The following MXD3 variants were observed in gnomAD, a reference collection of about 807,000 sequenced individuals.
MXD3 encodes the protein Max-associated protein 3.
MXD3 carries 20 observed loss-of-function variants against 27.5 expected under a neutral mutation model. The ratio of observed to expected loss-of-function variants is 0.73; its 90% confidence interval spans 0.51 to 1.06. The LOEUF (loss-of-function observed/expected upper bound fraction) is 1.06. Ranked by LOEUF, MXD3 falls within the 50% of genes least tolerant of loss-of-function variation. The pLI is 0.00. For missense variants in MXD3, 298 were observed against 291.3 expected (o/e 1.02, Z -0.17); for synonymous variants, 150 against 130.7 (o/e 1.15, Z -1.01).
At chr5:177,311,994 T>C (rs1761051294), upstream of MXD3, 1 of 1,287,036 alleles carries the variant, frequency 7.8e-7, no homozygotes, top group Non-Finnish European at 9.9e-7. Context: ...TCCGCCCCTC[T>C]GGAACCCGCC....
downstream of MXD3, chr5:177,307,019 G>A (rs1760896151): frequency 7.0e-6 from 10 of 1,436,840 alleles, no homozygotes; most frequent in South Asian, 3.1e-5. Context: ...GACCTCAGGC[G>A]AGTCACGTCA....
downstream of MXD3, chr5:177,306,389 C>G: frequency 6.2e-7 from 1 of 1,613,550 alleles, no homozygotes. Context: ...TTTCAGGCAT[C>G]TTCTAAAGGC....
intron 4 of MXD3, among the ~76,000 whole-genome samples, chr5:177,309,716 C>G (rs1044464498): frequency 6.6e-6 from 1 of 152,252 alleles, no homozygotes; most frequent in African/African-American, 2.4e-5. Context: ...CTGAATCTGC[C>G]GCCCATCAGC....
In MXD3 at chr5:177,311,493, G is replaced by T. The variant is rs539149466; in HGVS notation, c.71-9C>A. On this transcript the variant is annotated splice_polypyrimidine_tract_variant and intron_variant, in intron 1 of 5. Coordinates refer to ENST00000439742, the MANE Select transcript of MXD3 (RefSeq NM_031300.4). ...ATAACCATGCTCGGCCTCTGCCAGA[G>T]AGAGTCCCCGCCCGCGTCAGGCTGG... The T allele has an allele frequency of 1.3e-4, 181 of 1,429,980 alleles. 1 individual carries two copies. The South Asian group carries it at 2.2e-3, about 18-fold the overall frequency. 88.6% of individuals were successfully genotyped at this position (1,429,980 alleles called of 1,614,324 possible).
chr5:177,305,848 G>A (rs567954213), downstream of MXD3: 173 of 1,598,404 alleles, frequency 1.1e-4, 1 homozygote, highest in South Asian at 1.7e-3. Context: ...ACTGTTCCAC[G>A]ATTGTGGTTG....
downstream of MXD3, chr5:177,305,795 G>C (rs1263722509): frequency 6.4e-6 from 8 of 1,241,076 alleles, no homozygotes; most frequent in African/African-American, 7.4e-5. Context: ...CTCATGAAAA[G>C]TGACAGGGAG....
In MXD3 at chr5:177,311,826, T is replaced by C. The variant is rs200003012; in HGVS notation, c.5A>G (p.Glu2Gly). 6.2e-7 allele frequency: 1 copy of C among 1,611,726 alleles called. No individual in the cohort carries two copies. The highest frequency in any genetic ancestry group is 2.2e-5 in the East Asian group (1 of 44,764). ...GACCTGGATGTTGCTGGCCAAGGGT[T>C]CCATGTCGGCGACAGCTGGCGGCGG... MEPLASNIQVLL... is the reference protein window; with the variant it reads MGPLASNIQVLL... Residue 2 changes from glutamate to glycine, a missense_variant, in exon 1 of 6, where the codon GAA (glutamate) becomes GGA (glycine). Glu to Gly is a moderately conservative substitution (Grantham distance 98, BLOSUM62 -2). Transcript: ENST00000439742.
chr5:177,310,800 A>T, intron 2 of MXD3, 103 bp from the exon 3 acceptor site: 1 of 1,354,078 alleles, frequency 7.4e-7, no homozygotes, highest in East Asian at 2.4e-5. Flanking sequence ...TGTCTGCCCC[A>T]AACAAGTCCC....
intron 4 of MXD3, among the ~76,000 whole-genome samples, chr5:177,309,630 T>C (rs1581590974): frequency 1.3e-5 from 2 of 152,228 alleles, no homozygotes; most frequent in Admixed American, 6.5e-5. Flanking sequence ...GTGCCTAGAA[T>C]AGGGCCTAGC....
downstream of MXD3, chr5:177,306,459 G>A (rs760669214): frequency 6.2e-7 from 1 of 1,613,958 alleles, no homozygotes; most frequent in African/African-American, 1.3e-5. Flanking sequence ...AGACAGCCAA[G>A]GAAGCCAAGG....
downstream of MXD3, chr5:177,307,193 A>G (rs1286524513): frequency 6.4e-7 from 1 of 1,551,396 alleles, no homozygotes; most frequent in Non-Finnish European, 8.7e-7. Flanking sequence ...TCATTAGGCA[A>G]GACTATGGAC....
At chr5:177,307,028 C>T, downstream of MXD3, 1 of 1,444,200 alleles carries the variant, frequency 6.9e-7, no homozygotes, top group Non-Finnish European at 9.1e-7. Context: ...CGAGTCACGT[C>T]ACTCAGCCTC....
chr5:177,310,418 G>A lies in MXD3; in HGVS notation c.321+8C>T, dbSNP rs1219791774. The A allele has an allele frequency of 6.2e-7, 1 of 1,606,562 alleles. No homozygotes were observed. Among genetic ancestry groups the A allele is most frequent in the Admixed American group, 1.7e-5 (1 of 59,686 alleles). On this transcript the variant is annotated splice_region_variant and intron_variant, in intron 4 of 5. Coordinates refer to ENST00000439742, the MANE Select transcript of MXD3 (RefSeq NM_031300.4). The stretch of plus-strand genomic sequence containing the variant: ...GCAAGCCAGTCCGGGCGCAGTGGGG[G>A]GCCTCACCTGGATGTGCATCCTGGC...
chr5:177,312,396 T>C (rs966600326), upstream of MXD3: 1 of 985,480 alleles, frequency 1.0e-6, no homozygotes, highest in Non-Finnish European at 1.2e-6. Flanking sequence ...CCCTATTGGC[T>C]GGCGCTCTGC....
chr5:177,308,180 G>A, intron 4 of MXD3: 1 of 559,908 alleles, frequency 1.8e-6, no homozygotes. Flanking sequence ...TGCCTAGATT[G>A]GGGGTGGGGG....
chr5:177,311,630 T>C lies in MXD3; in HGVS notation c.70+131A>G, dbSNP rs371876063. The C allele has an allele frequency of 1.2e-5, 14 of 1,173,008 alleles. No individual in the cohort carries two copies. In the African/African-American group the frequency reaches 2.2e-4, roughly 19 times the overall value. 72.7% of individuals were successfully genotyped at this position (1,173,008 alleles called of 1,614,324 possible). A position where few individuals can be genotyped will look rare whatever the true frequency, so the allele number is the denominator to read the frequency against. ...CTGCTCTACCGCCCCGGGACTCCTC[T>C]CGAGTTGAGGGCGAGGCGCCCCGGG... On this transcript the variant is annotated intron_variant, in intron 1 of 5. Coordinates refer to ENST00000439742, the MANE Select transcript of MXD3 (RefSeq NM_031300.4).
intron 4 of MXD3, among the ~76,000 whole-genome samples, chr5:177,308,361 C>T (rs1024675797): frequency 2.0e-5 from 3 of 151,888 alleles, no homozygotes; most frequent in Non-Finnish European, 2.9e-5. Flanking sequence ...CAGGTCTCCC[C>T]GTTTCTTTTG....
At chr5:177,308,076 C>G (rs1001095149) in intron 4 of MXD3, 112 bp from the exon 5 acceptor site, 73 of 1,047,176 alleles carry the variant, frequency 7.0e-5, no homozygotes, top group Non-Finnish European at 8.3e-5. Flanking sequence ...CCACTCCGGG[C>G]AGGTGGCGAC....
At chr5:177,309,807 G>C (rs760639321) in intron 4 of MXD3, among the ~76,000 whole-genome samples, 2 of 152,224 alleles carry the variant, frequency 1.3e-5, no homozygotes, top group Non-Finnish European at 2.9e-5. Context: ...GGTTTCCAAG[G>C]CCACTTCTGA....
Sources: gnomAD v4.1 joint callset for allele counts (sites outside exome capture counted in the v4.1 genomes callset) on GRCh38, gnomAD v4.1.1 for gene constraint, MANE v1.5 for transcripts, NCBI Gene and HGNC (gene_info 2026-07-23, HGNC 2026-07-21) for gene names.